FOXN4: variants seen among roughly 807,000 people sequenced by gnomAD.
FOXN4 encodes the protein forkhead box N4.
A neutral mutation model predicts 45.0 loss-of-function variants in FOXN4; 12 were observed. That is an observed-to-expected ratio of 0.27 (90% CI 0.17 to 0.43). FOXN4 has a LOEUF of 0.43. Among genes scored for constraint, FOXN4 ranks in the 20% least tolerant of loss-of-function variants. The pLI is 1.00. For synonymous variants in FOXN4, 297 were observed against 295.0 expected, an observed-to-expected ratio of 1.01 and a Z score of -0.07; for missense variants, 560 against 694.9, an observed-to-expected ratio of 0.81 and a Z score of 2.18.
At chr12:109,282,553 T>A (rs1310580036) in intron 8 of FOXN4, among the ~76,000 whole-genome samples, 16 of 151,756 alleles carry the variant, frequency 1.1e-4, no homozygotes, top group Non-Finnish European at 1.9e-4. Flanking sequence ...TTAAATCTCA[T>A]AACAGCCCTG....
In FOXN4 at chr12:109,290,397, ACGC is replaced by A; in HGVS notation, c.87-114_87-112del. The A allele has an allele frequency of 7.5e-7, 1 of 1,334,416 alleles. No homozygotes were observed. The highest frequency in any genetic ancestry group is 1.0e-6 in the Non-Finnish European group (1 of 1,000,706). The allele number at this position is 1,334,416 out of a possible 1,614,324, so 82.7% of individuals were successfully genotyped here. A position where few individuals can be genotyped will look rare whatever the true frequency, so the allele number is the denominator to read the frequency against. ...TTAATGTGCCTCATCTCCCCAAGCC[ACGC>A]CAGCCCTCCAACCTGCCCGTCCCCA... is the stretch of plus-strand genomic sequence containing the variant. On this transcript the variant is annotated intron_variant, in intron 2 of 9. Transcript: ENST00000299162. This position sits in a 1 kb window ranked among gnomAD's most constrained non-coding sequence, Gnocchi z 5.1.
chr12:109,285,285 C>T lies in FOXN4; in HGVS notation c.901+19G>A, dbSNP rs757278467. On this transcript the variant is annotated intron_variant, in intron 8 of 9. Transcript: ENST00000299162. ...TGTGTGTGTGTGTGTGCGCGCACTGCGGGCTGTCCGGCCCTCACCAGGGTT... is the reference window on the plus strand; with the variant it reads ...TGTGTGTGTGTGTGTGCGCGCACTGTGGGCTGTCCGGCCCTCACCAGGGTT... 22 of 1,523,350 alleles carry T rather than the reference C, an allele frequency of 1.4e-5. No individual in the cohort carries two copies. In the East Asian group the frequency reaches 2.6e-4, roughly 18 times the overall value. The allele number at this position is 1,523,350 out of a possible 1,614,324, so 94.4% of individuals were successfully genotyped here.
chr12:109,293,296 C>G (rs183263168), intron 2 of FOXN4, among the ~76,000 whole-genome samples: 1 of 152,314 alleles, frequency 6.6e-6, no homozygotes, highest in South Asian at 2.1e-4. Flanking sequence ...CCTGCTACCC[C>G]GAGAGCAGCA....
At chr12:109,308,764 G>A (rs1445323470) in intron 1 of FOXN4, among the ~76,000 whole-genome samples, 2 of 152,124 alleles carry the variant, frequency 1.3e-5, no homozygotes, top group African/African-American at 4.8e-5. Context: ...ATTCCCACTT[G>A]CAAAGGGAAT....
At chr12:109,298,595 T>C (rs899426039) in intron 2 of FOXN4, among the ~76,000 whole-genome samples, 18 of 152,158 alleles carry the variant, frequency 1.2e-4, no homozygotes, top group Admixed American at 3.3e-4. Context: ...ATTCCTGACC[T>C]TAGGTGATCC....
chr12:109,281,351 C>T (rs2047649847), intron 9 of FOXN4, 56 bp downstream of exon 9: 7 of 1,593,628 alleles, frequency 4.4e-6, no homozygotes, highest in African/African-American at 1.3e-5. Context: ...TCCCTTTGGC[C>T]CCCGGGCCTC....
chr12:109,308,940 A>G (rs2047943897), intron 1 of FOXN4, among the ~76,000 whole-genome samples, 179 bp downstream of exon 1: 2 of 152,220 alleles, frequency 1.3e-5, no homozygotes, highest in South Asian at 4.1e-4. Flanking sequence ...CTGAACCAAC[A>G]TAAAAGCCCA....
chr12:109,304,063 C>T (rs992697669), intron 2 of FOXN4, among the ~76,000 whole-genome samples: 44 of 151,188 alleles, frequency 2.9e-4, no homozygotes, highest in African/African-American at 1.0e-3. Context: ...TGGTGATGGG[C>T]GTCTGTAATC....
In FOXN4 at chr12:109,309,195, C is replaced by A. The variant is rs1184592408; in HGVS notation, c.-80G>T. ...GGGGTTCCGGAGGGGGGCTCCCTCG[C>A]GCTCGCCCCTCGCGTTCCGCAATTT... On this transcript the variant is annotated 5_prime_UTR_variant, in exon 1 of 10. Transcript: ENST00000299162. This position sits in a 1 kb window ranked among gnomAD's most constrained non-coding sequence, Gnocchi z 5.0. 1 of 152,360 alleles carries A rather than the reference C, an allele frequency of 6.6e-6. No homozygotes were observed. Among genetic ancestry groups the A allele is most frequent in the Admixed American group, 6.5e-5 (1 of 15,286 alleles). The allele number at this position is 152,360 out of a possible 1,614,324, so 9.4% of individuals were successfully genotyped here.
In FOXN4 at chr12:109,293,905, G is replaced by A. The variant is rs139529097; in HGVS notation, c.87-3619C>T. ...TCCACCTCCTCAGGTCCTTGCCACA[G>A]TCCCAGGACAGGGACAGAGAGTAGG... On this transcript the variant is annotated intron_variant, in intron 2 of 9. Coordinates refer to ENST00000299162, the MANE Select transcript of FOXN4 (RefSeq NM_213596.3). 2.2e-4 allele frequency among the ~76,000 whole-genome samples: 34 copies of A among 152,340 alleles called. No homozygotes were observed. In the East Asian group the frequency reaches 6.6e-3, roughly 29 times the overall value.
chr12:109,290,415 G>A lies in FOXN4; in HGVS notation c.87-129C>T. On this transcript the variant is annotated intron_variant, in intron 2 of 9. Transcript: ENST00000299162. The surrounding 1 kb of genome is among the most constrained non-coding windows in gnomAD (Gnocchi z 5.1). Reference sequence around the variant, plus strand: ...CCAAGCCACGCCAGCCCTCCAACCTGCCCGTCCCCAGGACTGGACACGGGA... The same window carrying A: ...CCAAGCCACGCCAGCCCTCCAACCTACCCGTCCCCAGGACTGGACACGGGA... 1 of 1,165,898 alleles carries A rather than the reference G, an allele frequency of 8.6e-7. No homozygotes were observed. Among genetic ancestry groups the A allele is most frequent in the East Asian group, 2.7e-5 (1 of 36,512 alleles). The allele number at this position is 1,165,898 out of a possible 1,614,324, so 72.2% of individuals were successfully genotyped here. A position where few individuals can be genotyped will look rare whatever the true frequency, so the allele number is the denominator to read the frequency against.
intron 2 of FOXN4, among the ~76,000 whole-genome samples, chr12:109,306,011 G>C (rs1456222773): frequency 6.6e-6 from 1 of 152,128 alleles, no homozygotes; most frequent in Admixed American, 6.5e-5. Context: ...CAGTTTGTCA[G>C]CTGGGTGGCC....
At chr12:109,304,279 GA>G (rs1465696221) in intron 2 of FOXN4, among the ~76,000 whole-genome samples, 39 of 63,490 alleles carry the variant, frequency 6.1e-4, no homozygotes, top group African/African-American at 1.6e-3. Flanking sequence ...AAGAAAGAAA[GA>G]AAGAAAGAAA....
In FOXN4 at chr12:109,279,800, G is replaced by A. The variant is rs1207240915; in HGVS notation, c.1425C>T (p.Ser475=). The A allele has an allele frequency of 6.2e-7, 1 of 1,610,492 alleles. No homozygotes were observed. Among genetic ancestry groups the A allele is most frequent in the Non-Finnish European group, 8.5e-7 (1 of 1,178,382 alleles). The change falls in exon 10 of 10, where the codon TCC becomes TCT. Residue 475 remains serine, a synonymous_variant. Transcript: ENST00000299162. ...LTPASGGSDQ[S]FPDLQVTGLY... ...GACCCGTCACCTGCAAGTCTGGGAAGGACTGGTCGCTGCCACCCGAGGCAG... is the reference window on the plus strand; with the variant it reads ...GACCCGTCACCTGCAAGTCTGGGAAAGACTGGTCGCTGCCACCCGAGGCAG...
chr12:109,304,239 G>A (rs1233968881), intron 2 of FOXN4, among the ~76,000 whole-genome samples: 1 of 53,878 alleles, frequency 1.9e-5, no homozygotes, highest in African/African-American at 7.9e-5. Context: ...AAGAAAGAAA[G>A]AAAGAAAGAA....
In FOXN4 at chr12:109,295,232, A is replaced by G. The variant is rs140601410; in HGVS notation, c.87-4946T>C. 2.2e-3 allele frequency among the ~76,000 whole-genome samples: 332 copies of G among 152,320 alleles called. 1 individual carries two copies. The highest frequency in any genetic ancestry group is 7.3e-3 in the African/African-American group (303 of 41,558). On this transcript the variant is annotated intron_variant, in intron 2 of 9. Coordinates refer to ENST00000299162, the MANE Select transcript of FOXN4 (RefSeq NM_213596.3). Reference sequence around the variant, plus strand: ...GTGTAACAGAGAGAGCCACACAGAGAGAGACCCTAAATCAACCTCCTAAGT... The same window carrying G: ...GTGTAACAGAGAGAGCCACACAGAGGGAGACCCTAAATCAACCTCCTAAGT...
At chr12:109,300,925 A>G (rs1316476985) in intron 2 of FOXN4, among the ~76,000 whole-genome samples, 1 of 152,152 alleles carries the variant, frequency 6.6e-6, no homozygotes, top group Non-Finnish European at 1.5e-5. Flanking sequence ...AATAAAAATA[A>G]AAAATAGAAA....
intron 2 of FOXN4, among the ~76,000 whole-genome samples, chr12:109,298,061 T>C (rs756134905): frequency 1.3e-5 from 2 of 152,200 alleles, no homozygotes; most frequent in Admixed American, 6.5e-5. Flanking sequence ...AAATTTGATT[T>C]AGATCTGGAA....
At chr12:109,295,731 A>G (rs1368295195) in intron 2 of FOXN4, among the ~76,000 whole-genome samples, 1 of 152,220 alleles carries the variant, frequency 6.6e-6, no homozygotes, top group Non-Finnish European at 1.5e-5. Context: ...GGTTGCAGTG[A>G]GCCAAGATCA....
Sources: gnomAD v4.1 joint callset for allele counts (sites outside exome capture counted in the v4.1 genomes callset) on GRCh38, gnomAD v4.1.1 for gene constraint, Gnocchi (gnomAD v3.1) non-coding constraint, MANE v1.5 for transcripts, NCBI Gene and HGNC (gene_info 2026-07-23, HGNC 2026-07-21) for gene names.